PPP1R1C: variants seen among roughly 807,000 people sequenced by gnomAD.
PPP1R1C encodes protein phosphatase 1 regulatory inhibitor subunit 1C.
Under a neutral mutation model 17.4 loss-of-function variants are expected in PPP1R1C, and 15 were observed. The observed-to-expected ratio is 0.86, with a 90% CI of 0.58 to 1.33. The LOEUF (loss-of-function observed/expected upper bound fraction) is 1.33. PPP1R1C is among the 40% of genes most tolerant of loss of function. PPP1R1C has a pLI of 0.00. For synonymous variants in PPP1R1C, 35 were observed against 43.1 expected (o/e 0.81, Z 0.73); for missense variants, 143 against 130.0 (o/e 1.10, Z -0.48).
At chr2:182,027,380 G>A (rs1342741018) in intron 2 of PPP1R1C, among the ~76,000 whole-genome samples, 10 of 139,296 alleles carry the variant, frequency 7.2e-5, no homozygotes, top group South Asian at 4.9e-4. Flanking sequence ...TTTGAAATAC[G>A]TCCCATCAAT....
chr2:182,054,652 AGTGT>A (rs112893216), intron 2 of PPP1R1C, among the ~76,000 whole-genome samples: 3 of 149,884 alleles, frequency 2.0e-5, no homozygotes, highest in African/African-American at 7.3e-5. Flanking sequence ...TGTGTGTGTA[AGTGT>A]GTGTGTGTGT....
chr2:181,966,469 G>T (rs191412508), intron 1 of PPP1R1C, among the ~76,000 whole-genome samples: 1 of 152,104 alleles, frequency 6.6e-6, no homozygotes, highest in Non-Finnish European at 1.5e-5. Flanking sequence ...TTGCATTGAG[G>T]TATGTGTCTT....
chr2:182,073,361 T>C (rs1161327638), intron 4 of PPP1R1C, among the ~76,000 whole-genome samples: 1 of 152,224 alleles, frequency 6.6e-6, no homozygotes, highest in African/African-American at 2.4e-5. Flanking sequence ...GAGTAAATAA[T>C]CTTTCTGATT....
chr2:182,033,147 G>T (rs929437279), intron 2 of PPP1R1C, among the ~76,000 whole-genome samples: 1 of 151,994 alleles, frequency 6.6e-6, no homozygotes, highest in Non-Finnish European at 1.5e-5. Flanking sequence ...TAACTTTCTT[G>T]CAATTCTTTT....
At chr2:182,131,320 T>C (rs1690003075), downstream of PPP1R1C, 1 of 152,120 alleles carries the variant, frequency 6.6e-6, no homozygotes, top group Admixed American at 6.6e-5. Flanking sequence ...ACACTAAATA[T>C]GTATATATGT....
At chr2:182,055,901 C>T (rs1267856140) in intron 2 of PPP1R1C, among the ~76,000 whole-genome samples, 2 of 152,144 alleles carry the variant, frequency 1.3e-5, no homozygotes, top group African/African-American at 4.8e-5. Context: ...TCATTTTCTT[C>T]TTATGTTTTG....
At chr2:182,005,808 G>A (rs1685901877) in intron 2 of PPP1R1C, among the ~76,000 whole-genome samples, 1 of 152,102 alleles carries the variant, frequency 6.6e-6, no homozygotes, top group South Asian at 2.1e-4. Flanking sequence ...AAAGACCTAG[G>A]TTTGAATGTC....
chr2:181,990,753 G>C (rs1160009091), intron 2 of PPP1R1C, among the ~76,000 whole-genome samples: 2 of 152,142 alleles, frequency 1.3e-5, no homozygotes, highest in African/African-American at 4.8e-5. Context: ...AAACAAATAA[G>C]AGTAACAACG....
In PPP1R1C at chr2:181,961,388, C is replaced by T; in HGVS notation, n.111+6754C>T. 1 of 717,058 alleles carries T rather than the reference C, an allele frequency of 1.4e-6. No homozygotes were observed. Among genetic ancestry groups the T allele is most frequent in the Non-Finnish European group, 2.5e-6 (1 of 397,090 alleles). 44.4% of individuals were successfully genotyped at this position (717,058 alleles called of 1,614,324 possible). A position where few individuals can be genotyped will look rare whatever the true frequency, so the allele number is the denominator to read the frequency against. ...AGCTTGACCTTGATGTTCAGCAGAGCCTCGTACTCCCCGATCTGGTGCTGT... is the reference window on the plus strand; with the variant it reads ...AGCTTGACCTTGATGTTCAGCAGAGTCTCGTACTCCCCGATCTGGTGCTGT... On this transcript the variant is annotated intron_variant and non_coding_transcript_variant, in intron 1 of 5. Coordinates refer to the PPP1R1C transcript ENST00000464264. This position sits in a 1 kb window ranked among gnomAD's most constrained non-coding sequence, Gnocchi z 5.8.
chr2:181,987,475 T>G (rs762912570), intron 1 of PPP1R1C, among the ~76,000 whole-genome samples: 4 of 152,182 alleles, frequency 2.6e-5, no homozygotes, highest in Non-Finnish European at 5.9e-5. Flanking sequence ...AAAATAAGGG[T>G]AATGAATCTT....
chr2:182,117,616 G>T lies in PPP1R1C; in HGVS notation c.*321G>T, dbSNP rs1296556806. On this transcript the variant is annotated 3_prime_UTR_variant, in exon 5 of 5. Transcript: ENST00000682840. Reference sequence around the variant, plus strand: ...TTAATCCTTGATGTCCTACTGATAAGGTTTGCATTCTAACAACACATGTAA... The same window carrying T: ...TTAATCCTTGATGTCCTACTGATAATGTTTGCATTCTAACAACACATGTAA... 3 of 215,482 alleles carry T rather than the reference G, an allele frequency of 1.4e-5. No homozygotes were observed. Among genetic ancestry groups the T allele is most frequent in the African/African-American group, 2.3e-5 (1 of 43,014 alleles). The allele number at this position is 215,482 out of a possible 1,614,324, so 13.3% of individuals were successfully genotyped here.
chr2:181,954,925 G>T (rs756342364), intron 1 of PPP1R1C, among the ~76,000 whole-genome samples: 12 of 152,102 alleles, frequency 7.9e-5, no homozygotes, highest in Non-Finnish European at 1.6e-4. Context: ...TTTCGAAATG[G>T]CTAGGACAGG....
At chr2:181,974,943 G>T (rs188572709) in intron 1 of PPP1R1C, among the ~76,000 whole-genome samples, 91 of 152,208 alleles carry the variant, frequency 6.0e-4, no homozygotes, top group Admixed American at 2.6e-3. Flanking sequence ...CTCAATAAAG[G>T]CAGTACCCCA....
At chr2:182,037,594 A>AG (rs1559067146) in intron 2 of PPP1R1C, among the ~76,000 whole-genome samples, 1 of 152,154 alleles carries the variant, frequency 6.6e-6, no homozygotes, top group Non-Finnish European at 1.5e-5. Flanking sequence ...TCAAAAAAAA[A>AG]AAAAATGTGT....
intron 2 of PPP1R1C, among the ~76,000 whole-genome samples, chr2:182,042,484 G>T (rs536029348): frequency 4.6e-5 from 7 of 152,264 alleles, no homozygotes; most frequent in African/African-American, 1.7e-4. Flanking sequence ...AGCCTACCTT[G>T]CTGGGGCTGC....
chr2:181,993,921 TG>T (rs1232056038), intron 2 of PPP1R1C, among the ~76,000 whole-genome samples: 1 of 152,074 alleles, frequency 6.6e-6, no homozygotes, highest in Non-Finnish European at 1.5e-5. Flanking sequence ...GAAAGGGACC[TG>T]CATTTCTTAT....
intron 2 of PPP1R1C, among the ~76,000 whole-genome samples, chr2:181,993,268 C>A (rs576096750): frequency 6.6e-6 from 1 of 152,198 alleles, no homozygotes; most frequent in South Asian, 2.1e-4. Flanking sequence ...TGCACAAAAT[C>A]TCTCTTCATG....
intron 2 of PPP1R1C, among the ~76,000 whole-genome samples, chr2:182,012,340 C>T (rs527908777): frequency 7.0e-4 from 107 of 152,030 alleles, no homozygotes; most frequent in Non-Finnish European, 1.2e-3. Context: ...AAACTGACCC[C>T]TTCATCATTG....
At chr2:181,987,584 A>C (rs539520384) in intron 1 of PPP1R1C, among the ~76,000 whole-genome samples, 13 of 152,206 alleles carry the variant, frequency 8.5e-5, no homozygotes, top group Non-Finnish European at 1.9e-4. Context: ...TGTATCATTC[A>C]GTTGTATATA....
Sources: gnomAD v4.1 joint callset for allele counts (sites outside exome capture counted in the v4.1 genomes callset) on GRCh38, gnomAD v4.1.1 for gene constraint, Gnocchi (gnomAD v3.1) non-coding constraint, MANE v1.5 for transcripts, NCBI Gene and HGNC (gene_info 2026-07-23, HGNC 2026-07-21) for gene names.